The following ATP6V0A4 variants were observed in gnomAD, a reference collection of about 807,000 sequenced individuals.
The protein encoded by ATP6V0A4 is ATPase H+ transporting V0 subunit a4.
A neutral mutation model predicts 107.3 loss-of-function variants in ATP6V0A4; 86 were observed. The ratio of observed to expected loss-of-function variants is 0.80; its 90% CI spans 0.67 to 0.96. The LOEUF is 0.96. Ranked by LOEUF, ATP6V0A4 falls within the 40% of genes least tolerant of loss-of-function variation. The pLI is 0.00. For synonymous variants in ATP6V0A4, 353 were observed against 381.4 expected, an observed-to-expected ratio of 0.93 and a Z score of 0.87; for missense variants, 908 against 1,045.6, an observed-to-expected ratio of 0.87 and a Z score of 1.81.
In ATP6V0A4 at chr7:138,706,530, T is replaced by C. The variant is rs1803373679; in HGVS notation, c.*94A>G. 7 of 1,452,332 alleles carry C rather than the reference T, an allele frequency of 4.8e-6. No homozygotes were observed. Among genetic ancestry groups the C allele is most frequent in the Non-Finnish European group, 4.8e-6 (5 of 1,048,640 alleles). The allele number at this position is 1,452,332 out of a possible 1,614,324, so 90.0% of individuals were successfully genotyped here. A position where few individuals can be genotyped will look rare whatever the true frequency, so the allele number is the denominator to read the frequency against. ...TGCTTCAGGTGAGCCAAGAACAACC[T>C]TCCCATTGAGCGCCTTGCAGGGGCT... On this transcript the variant is annotated 3_prime_UTR_variant, in exon 22 of 22. Transcript: ENST00000310018.
chr7:138,773,210 C>G lies in ATP6V0A4; in HGVS notation c.-17-1946G>C, dbSNP rs1461414960. Among the ~76,000 whole-genome samples the G allele has an allele frequency of 1.3e-5, 2 of 152,220 alleles. No homozygotes were observed. Among genetic ancestry groups the G allele is most frequent in the African/African-American group, 4.8e-5 (2 of 41,452 alleles). ...GCCAGCCGAAGGCTGCAGGACCTGGCCTCCTCTGTGTCCTCCTCCAGCTTT... is the reference window on the plus strand; with the variant it reads ...GCCAGCCGAAGGCTGCAGGACCTGGGCTCCTCTGTGTCCTCCTCCAGCTTT... On this transcript the variant is annotated intron_variant, in intron 2 of 21. Transcript: ENST00000310018. This position sits in a 1 kb window ranked among gnomAD's most constrained non-coding sequence, Gnocchi z 5.4.
chr7:138,721,680 A>G (rs1444526006), intron 19 of ATP6V0A4, among the ~76,000 whole-genome samples: 1 of 152,166 alleles, frequency 6.6e-6, no homozygotes, highest in Non-Finnish European at 1.5e-5. Context: ...TAGAAATATT[A>G]AAATGTGCCC....
In ATP6V0A4 at chr7:138,715,999, T is replaced by C. The variant is rs1056895662; in HGVS notation, c.2140-118A>G. 3.2e-5 allele frequency: 45 copies of C among 1,391,262 alleles called. 1 individual carries two copies. In the South Asian group the frequency reaches 4.6e-4, roughly 14 times the overall value. The allele number at this position is 1,391,262 out of a possible 1,614,324, so 86.2% of individuals were successfully genotyped here. ...GCTGTTCAGACACTTTCAGTCTAAC[T>C]AGGGGAAAAGAAATAGTAATAGACT... is the stretch of plus-strand genomic sequence containing the variant. On this transcript the variant is annotated intron_variant, in intron 19 of 21. Coordinates refer to ENST00000310018, the MANE Select transcript of ATP6V0A4 (RefSeq NM_020632.3).
intron 1 of ATP6V0A4, among the ~76,000 whole-genome samples, chr7:138,789,767 T>C (rs1166166836): frequency 7.9e-6 from 1 of 127,204 alleles, no homozygotes; most frequent in African/African-American, 3.1e-5. Flanking sequence ...GGTTGGGAGT[T>C]TGAGACCAGC....
chr7:138,744,413 T>A (rs1273762716), intron 14 of ATP6V0A4, among the ~76,000 whole-genome samples: 1 of 152,102 alleles, frequency 6.6e-6, no homozygotes, highest in Non-Finnish European at 1.5e-5. Context: ...AATTTTTGTA[T>A]TTTTAGCAGA....
intron 1 of ATP6V0A4, among the ~76,000 whole-genome samples, chr7:138,796,833 TCA>T (rs1342248160): frequency 6.6e-6 from 1 of 152,232 alleles, no homozygotes; most frequent in Non-Finnish European, 1.5e-5. Context: ...CTCAGTCATC[TCA>T]GTCTCCAGTG....
intron 15 of ATP6V0A4, among the ~76,000 whole-genome samples, chr7:138,737,294 T>C (rs575871976): frequency 1.3e-5 from 2 of 150,790 alleles, no homozygotes; most frequent in African/African-American, 4.9e-5. Context: ...TGGGAGTGCA[T>C]AAGTCTCATG....
Position 138,736,023 on chromosome 7 carries a change from G to A in ATP6V0A4, c.1573-1769C>T, listed in dbSNP as rs573482270. Among the ~76,000 whole-genome samples the A allele has an allele frequency of 4.3e-4, 62 of 145,432 alleles. 2 individuals are homozygous for A. In the South Asian group the frequency reaches 0.012, roughly 28 times the overall value. ...GTGGAGGCTGTGGCGAGCCGAGATC[G>A]CACAATTGCACTCCAGCCTGGGCAA... On this transcript the variant is annotated intron_variant, in intron 15 of 21. Coordinates refer to ENST00000310018, the MANE Select transcript of ATP6V0A4 (RefSeq NM_020632.3).
intron 19 of ATP6V0A4, among the ~76,000 whole-genome samples, chr7:138,717,544 A>AAAAAAG (rs982374924): frequency 1.3e-5 from 2 of 150,698 alleles, no homozygotes; most frequent in Admixed American, 6.6e-5. Flanking sequence ...ACTCTGTCTA[A>AAAAAAG]AAAAAGAAAA....
intron 2 of ATP6V0A4, among the ~76,000 whole-genome samples, chr7:138,785,277 T>C (rs978386689): frequency 7.7e-6 from 1 of 130,614 alleles, no homozygotes; most frequent in Admixed American, 8.7e-5. Flanking sequence ...CTTTCTTTTT[T>C]CTTTTTTTTT....
chr7:138,742,463 T>C (rs1805679219), intron 14 of ATP6V0A4, among the ~76,000 whole-genome samples: 1 of 152,106 alleles, frequency 6.6e-6, no homozygotes, highest in Non-Finnish European at 1.5e-5. Context: ...ATAAAACTCA[T>C]CTCTATACTT....
At position 138,789,222 on chromosome 7, in the gene ATP6V0A4, GT is replaced by G. The variant is rs779547524; in HGVS notation, c.-120-2963del. 2.1e-4 allele frequency among the ~76,000 whole-genome samples: 32 copies of G among 150,434 alleles called. No individual in the cohort carries two copies. In the South Asian group the frequency reaches 5.2e-3, roughly 25 times the overall value. The stretch of plus-strand genomic sequence containing the variant: ...CTTAAAGGTTAAGGTTTTTTGGGGG[GT>G]TTTTTTTTGTTGTTGTTGTTGTTTT... On this transcript the variant is annotated intron_variant, in intron 1 of 21. Coordinates refer to ENST00000310018, the MANE Select transcript of ATP6V0A4 (RefSeq NM_020632.3).
intron 2 of ATP6V0A4, among the ~76,000 whole-genome samples, chr7:138,780,531 G>T (rs1807872074): frequency 6.6e-6 from 1 of 152,136 alleles, no homozygotes; most frequent in Admixed American, 6.6e-5. Context: ...GCTCAGTGTT[G>T]ATCTCTGCTG....
chr7:138,739,492 T>C, intron 15 of ATP6V0A4, 48 bp downstream of exon 15: 2 of 1,605,234 alleles, frequency 1.2e-6, no homozygotes, highest in East Asian at 2.2e-5. Flanking sequence ...AGAGGTCTCC[T>C]CAAGATAGTT....
chr7:138,734,463 A>C (rs1024191682), intron 15 of ATP6V0A4: 2 of 280,534 alleles, frequency 7.1e-6, no homozygotes, highest in Admixed American at 6.5e-5. Flanking sequence ...CAAAAGTAAC[A>C]GGATCATTAG....
At chr7:138,777,375 G>A (rs1807708573) in intron 2 of ATP6V0A4, among the ~76,000 whole-genome samples, 1 of 152,048 alleles carries the variant, frequency 6.6e-6, no homozygotes, top group African/African-American at 2.4e-5. Context: ...AGCACTTTGG[G>A]AGGCTGAGGT....
In ATP6V0A4 at chr7:138,743,146, G is replaced by A. The variant is rs10237985; in HGVS notation, c.1478+1977C>T. On this transcript the variant is annotated intron_variant, in intron 14 of 21. Coordinates refer to ENST00000310018, the MANE Select transcript of ATP6V0A4 (RefSeq NM_020632.3). ...ACATCAAGCCCTTTGAATGCCCTCA[G>A]GAAAGCTTTGTCAAAAGAAACCCAG... Among the ~76,000 whole-genome samples, 1,100 of 152,032 alleles carry A rather than the reference G, an allele frequency of 7.2e-3. 18 individuals are homozygous for A. Among genetic ancestry groups the A allele is most frequent in the African/African-American group, 0.025 (1,032 of 41,500 alleles).
chr7:138,756,323 G>A (rs1806508942), intron 9 of ATP6V0A4, 135 bp downstream of exon 9: 2 of 1,453,422 alleles, frequency 1.4e-6, no homozygotes, highest in East Asian at 2.3e-5. Context: ...AGTTGGGGCT[G>A]ACTTTTATGT....
intron 10 of ATP6V0A4, among the ~76,000 whole-genome samples, chr7:138,753,327 G>A (rs1277061363): frequency 1.3e-5 from 2 of 152,142 alleles, no homozygotes; most frequent in Non-Finnish European, 2.9e-5. Context: ...AGGACGGCCC[G>A]CAGCACCAGA....
Sources: allele counts gnomAD v4.1 joint callset (sites outside exome capture counted in the v4.1 genomes callset), GRCh38; gene constraint gnomAD v4.1.1; non-coding constraint Gnocchi (gnomAD v3.1); transcripts MANE v1.5; gene names NCBI Gene and HGNC (gene_info 2026-07-23, HGNC 2026-07-21).